Variants in DPYSL3 observed in about 807,000 individuals in gnomAD.
DPYSL3 encodes dihydropyrimidinase-related protein 3.
DPYSL3 carries 16 observed loss-of-function variants against 66.1 expected under a neutral mutation model. That is an observed-to-expected ratio of 0.24 (90% confidence interval 0.16 to 0.37). The LOEUF (loss-of-function observed/expected upper bound fraction) is 0.37, where lower values mean the gene tolerates loss of function less well. Among genes scored for constraint, DPYSL3 ranks in the 10% least tolerant of loss-of-function variants. The pLI is 1.00. For synonymous variants in DPYSL3, 338 were observed against 345.1 expected (o/e 0.98, Z 0.23); for missense variants, 738 against 916.2 (o/e 0.81, Z 2.51).
intron 1 of DPYSL3, among the ~76,000 whole-genome samples, chr5:147,500,009 G>A (rs564736401): frequency 5.3e-5 from 8 of 151,934 alleles, no homozygotes; most frequent in African/African-American, 1.7e-4. Flanking sequence ...ATCATAACAC[G>A]GATCTATGCC....
chr5:147,418,002 G>T (rs1752004714), intron 3 of DPYSL3, among the ~76,000 whole-genome samples: 1 of 152,146 alleles, frequency 6.6e-6, no homozygotes, highest in African/African-American at 2.4e-5. Flanking sequence ...AAATTTCCGA[G>T]AAATGTAATT....
chr5:147,464,877 A>C (rs1752988187), intron 1 of DPYSL3, among the ~76,000 whole-genome samples: 1 of 152,150 alleles, frequency 6.6e-6, no homozygotes, highest in East Asian at 1.9e-4. Context: ...TAAATCCTGA[A>C]GTTTTTGCTC....
chr5:147,454,446 C>A (rs1032193047), intron 1 of DPYSL3, among the ~76,000 whole-genome samples: 33 of 152,222 alleles, frequency 2.2e-4, no homozygotes, highest in African/African-American at 8.0e-4. Flanking sequence ...CTCTCAGAGG[C>A]TGCAAGGGGC....
At chr5:147,459,081 G>A (rs934408725) in intron 1 of DPYSL3, among the ~76,000 whole-genome samples, 5 of 150,886 alleles carry the variant, frequency 3.3e-5, no homozygotes, top group Admixed American at 6.6e-5. Flanking sequence ...GAGTGGAGTC[G>A]CATCAATGGG....
chr5:147,500,295 C>G (rs1456045331), intron 1 of DPYSL3, among the ~76,000 whole-genome samples: 1 of 152,144 alleles, frequency 6.6e-6, no homozygotes, highest in African/African-American at 2.4e-5. Flanking sequence ...CAACTATTAT[C>G]TGAATACACG....
At chr5:147,414,476 A>T (rs942705985) in intron 4 of DPYSL3, among the ~76,000 whole-genome samples, 1 of 152,160 alleles carries the variant, frequency 6.6e-6, no homozygotes, top group Non-Finnish European at 1.5e-5. Context: ...TAACCATTAG[A>T]GCCTTCTCAG....
At chr5:147,494,648 G>A (rs543235937) in intron 1 of DPYSL3, among the ~76,000 whole-genome samples, 4 of 148,234 alleles carry the variant, frequency 2.7e-5, no homozygotes, top group African/African-American at 7.4e-5. Context: ...GGCAGATCAC[G>A]AGGTCAGGAG....
At chr5:147,403,158 T>C (rs536525364) in intron 8 of DPYSL3, among the ~76,000 whole-genome samples, 3 of 152,158 alleles carry the variant, frequency 2.0e-5, no homozygotes, top group Admixed American at 6.5e-5. Context: ...ATGTCTGCCA[T>C]AGGCAAAAGA....
At chr5:147,432,622 A>G (rs1752335678) in intron 1 of DPYSL3, among the ~76,000 whole-genome samples, 1 of 152,200 alleles carries the variant, frequency 6.6e-6, no homozygotes, top group Admixed American at 6.5e-5. Flanking sequence ...GGAGAGGGAC[A>G]GCACTGGACA....
rs1757806997 is a variant in DPYSL3 at position 147,391,612 on chromosome 5, ATT to A, written c.*2421_*2422del. 1 of 152,140 alleles carries A rather than the reference ATT, an allele frequency of 6.6e-6. No individual in the cohort carries two copies. The highest frequency in any genetic ancestry group is 1.5e-5 in the Non-Finnish European group (1 of 68,020). 9.4% of individuals were successfully genotyped at this position (152,140 alleles called of 1,614,324 possible). A position where few individuals can be genotyped will look rare whatever the true frequency, so the allele number is the denominator to read the frequency against. On this transcript the variant is annotated 3_prime_UTR_variant, in exon 14 of 14. Transcript: ENST00000343218. ...AATTCGAAGAGGGCCGGGACTCACC[ATT>A]GTTTTCTTTTCCTAAACCTTTTGTA... is the stretch of plus-strand genomic sequence containing the variant.
intron 1 of DPYSL3, among the ~76,000 whole-genome samples, chr5:147,484,866 A>T (rs191029558): frequency 2.2e-3 from 335 of 152,348 alleles, no homozygotes; most frequent in Admixed American, 8.5e-3. Context: ...TTTAGAGACA[A>T]GGAGTGGTCA....
At chr5:147,438,000 G>T (rs73794732) in intron 1 of DPYSL3, among the ~76,000 whole-genome samples, 158 of 152,084 alleles carry the variant, frequency 1.0e-3, no homozygotes, top group African/African-American at 3.6e-3. Context: ...TTTTAGGTTG[G>T]TTTGATTCAT....
chr5:147,425,522 G>A (rs367679134), intron 1 of DPYSL3, among the ~76,000 whole-genome samples: 5 of 152,174 alleles, frequency 3.3e-5, no homozygotes, highest in Admixed American at 2.0e-4. Flanking sequence ...TAATAAAACC[G>A]CTAGAAGGGG....
chr5:147,466,428 C>T (rs780462676), intron 1 of DPYSL3, among the ~76,000 whole-genome samples: 3 of 152,198 alleles, frequency 2.0e-5, no homozygotes, highest in African/African-American at 4.8e-5. Context: ...TACCTCCTTT[C>T]CAGCCCACCC....
chr5:147,436,743 G>C (rs2076798993), intron 1 of DPYSL3, among the ~76,000 whole-genome samples: 1 of 152,210 alleles, frequency 6.6e-6, no homozygotes, highest in South Asian at 2.1e-4. Context: ...TACTGCAGAA[G>C]AAAGTGTCAA....
At chr5:147,424,723 C>G in intron 2 of DPYSL3, 152 bp downstream of exon 2, 4 of 571,374 alleles carry the variant, frequency 7.0e-6, no homozygotes, top group Non-Finnish European at 9.3e-6. Context: ...CTCATCAATA[C>G]TTTCTGCCCA....
In DPYSL3 at chr5:147,497,054, G is replaced by A. The variant is rs557312935; in HGVS notation, c.381+12424C>T. ...AGAAAATGTGGCACATATACACCACGGAATACTATGCAGCCATAAAAAATG... is the reference window on the plus strand; with the variant it reads ...AGAAAATGTGGCACATATACACCACAGAATACTATGCAGCCATAAAAAATG... On this transcript the variant is annotated intron_variant, in intron 1 of 13. Coordinates refer to ENST00000343218, the MANE Select transcript of DPYSL3 (RefSeq NM_001197294.2). Among the ~76,000 whole-genome samples, 8 of 152,208 alleles carry A rather than the reference G, an allele frequency of 5.3e-5. No homozygotes were observed. The South Asian group carries it at 8.3e-4, about 16-fold the overall frequency.
chr5:147,412,036 G>A (rs1163408708), intron 6 of DPYSL3, among the ~76,000 whole-genome samples: 2 of 152,166 alleles, frequency 1.3e-5, no homozygotes, highest in East Asian at 1.9e-4. Context: ...CCCAGGAGAT[G>A]GAGAGATAAC....
chr5:147,435,210 T>C (rs1752394587), intron 1 of DPYSL3, among the ~76,000 whole-genome samples: 1 of 152,178 alleles, frequency 6.6e-6, no homozygotes, highest in Admixed American at 6.5e-5. Context: ...CTAAGGTAAA[T>C]AGCTGATTTG....
Sources: gnomAD v4.1 joint callset for allele counts (sites outside exome capture counted in the v4.1 genomes callset) on GRCh38, gnomAD v4.1.1 for gene constraint, MANE v1.5 for transcripts, NCBI Gene and HGNC (gene_info 2026-07-23, HGNC 2026-07-21) for gene names.